NEBL: variants seen among roughly 807,000 people sequenced by gnomAD.
NEBL encodes the protein nebulette, also known as LIM and SH3 protein 2.
A neutral mutation model predicts 140.2 loss-of-function variants in NEBL; 122 were observed. The observed-to-expected ratio is 0.87, with a 90% CI of 0.75 to 1.01. The LOEUF is 1.01. Among genes scored for constraint, NEBL ranks in the 50% least tolerant of loss-of-function variants. The probability of loss-of-function intolerance (pLI) is 0.00; values close to 1 mark genes in which losing one functional copy is unlikely to be tolerated. For synonymous variants in NEBL, 436 were observed against 398.9 expected (o/e 1.09, Z -1.11); for missense variants, 1,365 against 1,231.3 (o/e 1.11, Z -1.62).
At chr10:21,090,783 C>T (rs1260308872) in intron 2 of NEBL, among the ~76,000 whole-genome samples, 3 of 152,128 alleles carry the variant, frequency 2.0e-5, no homozygotes, top group Non-Finnish European at 4.4e-5. Context: ...GGCACCACAG[C>T]TCATCGTTGC....
intron 2 of NEBL, among the ~76,000 whole-genome samples, chr10:21,071,048 C>T (rs1835795336): frequency 6.6e-6 from 1 of 151,680 alleles, no homozygotes; most frequent in South Asian, 2.1e-4. Flanking sequence ...TGGCGTGTGC[C>T]TGTAGCCCAG....
At chr10:21,234,006 G>A (rs1842310573) in intron 3 of NEBL, among the ~76,000 whole-genome samples, 1 of 123,656 alleles carries the variant, frequency 8.1e-6, no homozygotes, top group South Asian at 2.8e-4. Flanking sequence ...TTAGGAGATT[G>A]TGAGATAGAT....
At chr10:20,858,157 C>G in intron 9 of NEBL, 83 bp downstream of exon 9, 1 of 1,044,230 alleles carries the variant, frequency 9.6e-7, no homozygotes. Flanking sequence ...TCTAAGGAAG[C>G]AGGTGAGCAC....
chr10:21,150,448 G>A (rs1377008883), intron 2 of NEBL, among the ~76,000 whole-genome samples: 1 of 152,192 alleles, frequency 6.6e-6, no homozygotes, highest in Non-Finnish European at 1.5e-5. Context: ...AGTCTACCCA[G>A]TGAGGCTCCA....
At chr10:21,214,909 G>A (rs1485131959) in intron 3 of NEBL, among the ~76,000 whole-genome samples, 1 of 152,268 alleles carries the variant, frequency 6.6e-6, no homozygotes, top group Middle Eastern at 3.4e-3. Context: ...AGGCCCTGCT[G>A]TGTCTCTCTG....
In NEBL at chr10:20,877,559, C is replaced by T. The variant is rs543528224; in HGVS notation, c.480+3235G>A. Among the ~76,000 whole-genome samples the T allele has an allele frequency of 2.6e-5, 4 of 152,170 alleles. No homozygotes were observed. In the South Asian group the frequency reaches 6.2e-4, roughly 24 times the overall value. ...TACACAAGTGAGCTGTAAGCTTGCACGTGTGAATGTTGACAGTTGTGACAA... is the reference window on the plus strand; with the variant it reads ...TACACAAGTGAGCTGTAAGCTTGCATGTGTGAATGTTGACAGTTGTGACAA... On this transcript the variant is annotated intron_variant, in intron 5 of 27. Coordinates refer to ENST00000377122, the MANE Select transcript of NEBL (RefSeq NM_006393.3).
chr10:20,936,931 G>A (rs745660428), intron 4 of NEBL, among the ~76,000 whole-genome samples: 3 of 152,160 alleles, frequency 2.0e-5, no homozygotes, highest in Non-Finnish European at 2.9e-5. Context: ...AAGGAAATGG[G>A]ACCTTTCATC....
At position 20,808,573 on chromosome 10, in the gene NEBL, T is replaced by C. The variant is rs1353770148; in HGVS notation, c.2698A>G (p.Ile900Val). ...GTGLGDDRSEISEIYPSFSCC... is the reference protein window; with the variant it reads ...GTGLGDDRSEVSEIYPSFSCC... ...GAAAAGCTAGGGTAAATCTCGGAGATTTCTGACCTGTCGTCTCCGAGACCT... is the reference window on the plus strand; with the variant it reads ...GAAAAGCTAGGGTAAATCTCGGAGACTTCTGACCTGTCGTCTCCGAGACCT... The change falls in exon 26 of 28, where the codon ATC (isoleucine) becomes GTC (valine). Residue 900 changes from isoleucine (I) to valine (V), a missense_variant. Physicochemically the swap from Ile to Val is conservative, Grantham distance 29. Around this residue, in one of 2 missense-constraint regions of NEBL, gnomAD observed 1,323 missense variants for 1,154.8 expected, o/e 1.15. Transcript: ENST00000377122. 1 of 1,613,770 alleles carries C rather than the reference T, an allele frequency of 6.2e-7. No homozygotes were observed. The highest frequency in any genetic ancestry group is 1.3e-5 in the African/African-American group (1 of 74,890).
intron 2 of NEBL, among the ~76,000 whole-genome samples, chr10:21,058,312 T>G (rs956925605): frequency 5.3e-5 from 8 of 152,238 alleles, no homozygotes; most frequent in Admixed American, 6.5e-5. Context: ...CTTGCTCTTT[T>G]GGACTTTTGG....
intron 4 of NEBL, among the ~76,000 whole-genome samples, chr10:20,941,818 T>C (rs1040336073): frequency 1.3e-5 from 2 of 152,092 alleles, no homozygotes; most frequent in African/African-American, 4.8e-5. Flanking sequence ...AGCCAAATCA[T>C]GAGTGAAGTC....
intron 2 of NEBL, among the ~76,000 whole-genome samples, chr10:21,043,887 G>A (rs1834379578): frequency 6.6e-6 from 1 of 152,084 alleles, no homozygotes; most frequent in Non-Finnish European, 1.5e-5. Context: ...GCCAATTCAG[G>A]ATGAGAAGAG....
In NEBL at chr10:20,794,684, T is replaced by C. The variant is rs771548172; in HGVS notation, c.2762-7376A>G. On this transcript the variant is annotated intron_variant, in intron 26 of 27. Coordinates refer to ENST00000377122, the MANE Select transcript of NEBL (RefSeq NM_006393.3). The stretch of plus-strand genomic sequence containing the variant: ...AAGTTAGTGGGGGAAAGAGGTAACA[T>C]AAGACTCTACTTCCCCAGGAATACT... 2.0e-5 allele frequency among the ~76,000 whole-genome samples: 3 copies of C among 152,126 alleles called. No homozygotes were observed. In the East Asian group the frequency reaches 5.8e-4, roughly 29 times the overall value.
At position 21,120,419 on chromosome 10, in the gene NEBL, TA is replaced by T. The variant is rs1564518134; in HGVS notation, c.164+51963del. Among the ~76,000 whole-genome samples, 102 of 130,036 alleles carry T rather than the reference TA, an allele frequency of 7.8e-4. 6 individuals are homozygous for T. Among genetic ancestry groups the T allele is most frequent in the South Asian group, 3.0e-3 (12 of 4,014 alleles). The allele number at this position is 130,036 out of a possible 152,430, so 85.3% of individuals were successfully genotyped here. On this transcript the variant is annotated intron_variant, in intron 2 of 6. Transcript: ENST00000417816. ...ATATATATATATATATATATATATATATATAAATTTGATCACTGGTTTAAAG... is the reference window on the plus strand; with the variant it reads ...ATATATATATATATATATATATATATTATAAATTTGATCACTGGTTTAAAG...
intron 11 of NEBL, among the ~76,000 whole-genome samples, chr10:20,846,023 G>T (rs1841904230): frequency 6.6e-6 from 1 of 152,104 alleles, no homozygotes; most frequent in Non-Finnish European, 1.5e-5. Context: ...AACAAGAAAT[G>T]AAAGGTGGAT....
At chr10:21,072,484 C>A (rs1835862234) in intron 2 of NEBL, among the ~76,000 whole-genome samples, 1 of 152,186 alleles carries the variant, frequency 6.6e-6, no homozygotes, top group East Asian at 1.9e-4. Context: ...GAGCCACCAA[C>A]AAAATCTTCT....
At chr10:21,022,772 T>C (rs186177880) in intron 2 of NEBL, among the ~76,000 whole-genome samples, 4 of 152,368 alleles carry the variant, frequency 2.6e-5, no homozygotes, top group East Asian at 1.9e-4. Flanking sequence ...AAGATGATTA[T>C]GCTTGTATAA....
chr10:20,850,200 G>C lies in NEBL; in HGVS notation c.1116+195C>G, dbSNP rs79245442. On this transcript the variant is annotated intron_variant, in intron 11 of 27. Transcript: ENST00000377122. ...AGCTTGAGATCCAATTCACCAATGA[G>C]AGAAGCTAAGGACCAGATAAACTCA... 8.0e-4 allele frequency among the ~76,000 whole-genome samples: 122 copies of C among 152,300 alleles called. No homozygotes were observed. In the East Asian group the frequency reaches 0.017, roughly 21 times the overall value.
Position 21,267,785 on chromosome 10 carries a change from C to T in NEBL, n.183-15957G>A, listed in dbSNP as rs576931970. On this transcript the variant is annotated intron_variant and non_coding_transcript_variant, in intron 1 of 8. Transcript: ENST00000675702. ...AAATAAAATCAAAAATTCATTTGTTCGTCAGTTGTACTGGCCACACTTCAA... is the reference window on the plus strand; with the variant it reads ...AAATAAAATCAAAAATTCATTTGTTTGTCAGTTGTACTGGCCACACTTCAA... Among the ~76,000 whole-genome samples, 15 of 152,268 alleles carry T rather than the reference C, an allele frequency of 9.9e-5. No individual in the cohort carries two copies. The East Asian group carries it at 2.7e-3, about 27-fold the overall frequency.
chr10:21,087,709 A>G (rs1485248081), intron 2 of NEBL, among the ~76,000 whole-genome samples: 1 of 152,212 alleles, frequency 6.6e-6, no homozygotes, highest in Non-Finnish European at 1.5e-5. Context: ...CCGCTGTTTG[A>G]GGTCTTGGAA....
Sources: allele counts gnomAD v4.1 joint callset (sites outside exome capture counted in the v4.1 genomes callset), GRCh38; gene constraint gnomAD v4.1.1; regional missense constraint gnomAD v4.1.1; transcripts MANE v1.5; gene names NCBI Gene and HGNC (gene_info 2026-07-23, HGNC 2026-07-21).